NDST3: variants seen among roughly 807,000 people sequenced by gnomAD.
NDST3 encodes bifunctional heparan sulfate N-deacetylase/N-sulfotransferase 3.
NDST3 carries 58 observed loss-of-function variants against 96.1 expected under a neutral mutation model. That is an observed-to-expected ratio of 0.60 (90% confidence interval 0.49 to 0.75). The LOEUF is 0.75. NDST3 is among the 30% of genes least tolerant of loss of function. The pLI, the probability that NDST3 is intolerant of heterozygous loss-of-function variation, is 0.00. For synonymous variants in NDST3, 333 were observed against 359.7 expected, an observed-to-expected ratio of 0.93 and a Z score of 0.84; for missense variants, 788 against 1,034.2, an observed-to-expected ratio of 0.76 and a Z score of 3.27.
chr4:118,177,836 A>G (rs1736367879), intron 6 of NDST3, among the ~76,000 whole-genome samples: 1 of 151,964 alleles, frequency 6.6e-6, no homozygotes, highest in South Asian at 2.1e-4. Context: ...GTTTTCCTGG[A>G]TGATCATGAT....
chr4:118,046,227 C>A (rs940631055), intron 1 of NDST3, among the ~76,000 whole-genome samples: 2 of 152,152 alleles, frequency 1.3e-5, no homozygotes, highest in African/African-American at 4.8e-5. Context: ...TCACCATGTG[C>A]CTATGGGATC....
At chr4:118,160,253 T>C (rs986316557) in intron 6 of NDST3, among the ~76,000 whole-genome samples, 2 of 152,058 alleles carry the variant, frequency 1.3e-5, no homozygotes, top group African/African-American at 4.8e-5. Flanking sequence ...AGAAGGGAGA[T>C]ATATTCAAAA....
intron 5 of NDST3, among the ~76,000 whole-genome samples, chr4:118,143,189 G>T (rs1229913659): frequency 6.6e-6 from 1 of 152,044 alleles, no homozygotes; most frequent in Non-Finnish European, 1.5e-5. Context: ...TAAGATTACA[G>T]TATAGCACAG....
chr4:118,244,600 A>G (rs1310298647), intron 12 of NDST3, among the ~76,000 whole-genome samples: 1 of 152,212 alleles, frequency 6.6e-6, no homozygotes, highest in Non-Finnish European at 1.5e-5. Context: ...AGAATAAATG[A>G]ATGAAGCAAG....
intron 2 of NDST3, among the ~76,000 whole-genome samples, chr4:118,101,980 C>T (rs1020573933): frequency 6.6e-6 from 1 of 151,918 alleles, no homozygotes; most frequent in African/African-American, 2.4e-5. Flanking sequence ...AAATTCAAAA[C>T]TCTGTATTTT....
At position 118,257,963 on chromosome 4, in the gene NDST3, G is replaced by A. The variant is rs140901076; in HGVS notation, c.*2251G>A. 1 of 152,260 alleles carries A rather than the reference G, an allele frequency of 6.6e-6. No homozygotes were observed. The highest frequency in any genetic ancestry group is 2.4e-5 in the African/African-American group (1 of 41,558). The allele number at this position is 152,260 out of a possible 1,614,324, so 9.4% of individuals were successfully genotyped here. A position where few individuals can be genotyped will look rare whatever the true frequency, so the allele number is the denominator to read the frequency against. ...ATAGGCCTCAGCAGTTATATACAGT[G>A]TCATGTTTTCATTTGGCAACAACAT... On this transcript the variant is annotated 3_prime_UTR_variant, in exon 14 of 14. Coordinates refer to ENST00000296499, the MANE Select transcript of NDST3 (RefSeq NM_004784.3).
In NDST3 at chr4:118,257,629, TTG is replaced by T. The variant is rs1160900174; in HGVS notation, c.*1920_*1921del. On this transcript the variant is annotated 3_prime_UTR_variant, in exon 14 of 14. Coordinates refer to ENST00000296499, the MANE Select transcript of NDST3 (RefSeq NM_004784.3). ...TATCAATTACTAATTAGAAAATGAATTGTGAGATCCACTTACTATAAATTTTT... is the reference window on the plus strand; with the variant it reads ...TATCAATTACTAATTAGAAAATGAATTGAGATCCACTTACTATAAATTTTT... 1 of 152,212 alleles carries T rather than the reference TTG, an allele frequency of 6.6e-6. No homozygotes were observed. Among genetic ancestry groups the T allele is most frequent in the Admixed American group, 6.6e-5 (1 of 15,266 alleles). The allele number at this position is 152,212 out of a possible 1,614,324, so 9.4% of individuals were successfully genotyped here. A position where few individuals can be genotyped will look rare whatever the true frequency, so the allele number is the denominator to read the frequency against.
chr4:118,078,106 C>T (rs189980362), intron 2 of NDST3, among the ~76,000 whole-genome samples: 32 of 152,218 alleles, frequency 2.1e-4, no homozygotes, highest in Admixed American at 1.6e-3. Flanking sequence ...CAGGACCCCA[C>T]GGGGCTCTCA....
chr4:118,080,515 C>A (rs774190575), intron 2 of NDST3, among the ~76,000 whole-genome samples: 10 of 152,044 alleles, frequency 6.6e-5, no homozygotes, highest in Non-Finnish European at 1.3e-4. Flanking sequence ...TAAATGAATT[C>A]TTTATTTCAC....
intron 2 of NDST3, among the ~76,000 whole-genome samples, chr4:118,086,679 C>A (rs980882702): frequency 6.6e-6 from 1 of 152,078 alleles, no homozygotes; most frequent in Non-Finnish European, 1.5e-5. Flanking sequence ...GGACATCAGG[C>A]CTTAATCTAC....
At chr4:118,167,098 ATC>A (rs1056062443) in intron 6 of NDST3, among the ~76,000 whole-genome samples, 13 of 151,894 alleles carry the variant, frequency 8.6e-5, no homozygotes, top group African/African-American at 2.9e-4. Context: ...GAGTAAAATT[ATC>A]TCTGTTTGGA....
chr4:118,233,246 T>A, intron 9 of NDST3, 111 bp downstream of exon 9: 1 of 975,992 alleles, frequency 1.0e-6, no homozygotes, highest in Non-Finnish European at 1.4e-6. Flanking sequence ...AAATTTAACC[T>A]CTGTGCCTTG....
rs1294506778 is a variant in NDST3 at position 118,196,054 on chromosome 4, AG to A, written c.1540-28434del. 2.6e-5 allele frequency among the ~76,000 whole-genome samples: 4 copies of A among 152,158 alleles called. No homozygotes were observed. In the South Asian group the frequency reaches 8.3e-4, roughly 32 times the overall value. On this transcript the variant is annotated intron_variant, in intron 6 of 13. Coordinates refer to ENST00000296499, the MANE Select transcript of NDST3 (RefSeq NM_004784.3). ...GCAGTTTTTTGAGGGTTTTTCATGA[AG>A]GGATGTTGAATTGTATCAAATGCTT... is the stretch of plus-strand genomic sequence containing the variant.
In NDST3 at chr4:118,066,486, TACATTA is replaced by T. The variant is rs1269068298; in HGVS notation, c.981+11596_981+11601del. 9.0e-5 allele frequency among the ~76,000 whole-genome samples: 2 copies of T among 22,334 alleles called. 1 individual carries two copies. Among genetic ancestry groups the T allele is most frequent in the African/African-American group, 1.9e-4 (2 of 10,570 alleles). 14.7% of individuals were successfully genotyped at this position (22,334 alleles called of 152,430 possible). A position where few individuals can be genotyped will look rare whatever the true frequency, so the allele number is the denominator to read the frequency against. On this transcript the variant is annotated intron_variant, in intron 2 of 13. Coordinates refer to ENST00000296499, the MANE Select transcript of NDST3 (RefSeq NM_004784.3). ...CATTATATATGTTATATATTATATA[TACATTA>T]TATATGTTATATATTATATATACAT...
chr4:118,241,586 G>A (rs928983610), intron 11 of NDST3, among the ~76,000 whole-genome samples: 2 of 152,260 alleles, frequency 1.3e-5, no homozygotes, highest in Admixed American at 1.3e-4. Flanking sequence ...ATGGATTATC[G>A]AAATATTTCT....
intron 6 of NDST3, chr4:118,193,721 T>TTC: frequency 7.5e-7 from 1 of 1,337,816 alleles, no homozygotes; most frequent in Non-Finnish European, 1.1e-6. Flanking sequence ...GAAGAGGCCC[T>TTC]TCTCGTTGTT....
At chr4:118,110,320 T>C (rs1047034831) in intron 3 of NDST3, among the ~76,000 whole-genome samples, 3 of 152,226 alleles carry the variant, frequency 2.0e-5, no homozygotes, top group Non-Finnish European at 4.4e-5. Flanking sequence ...CAGTGAATGA[T>C]AGTTAAGGGC....
At chr4:118,170,554 C>T (rs1031688510) in intron 6 of NDST3, among the ~76,000 whole-genome samples, 1 of 151,992 alleles carries the variant, frequency 6.6e-6, no homozygotes, top group African/African-American at 2.4e-5. Flanking sequence ...ATGGTGAAAC[C>T]CCATCTCTAC....
At chr4:118,215,387 A>G (rs904675564) in intron 6 of NDST3, among the ~76,000 whole-genome samples, 7 of 152,244 alleles carry the variant, frequency 4.6e-5, no homozygotes, top group South Asian at 2.1e-4. Context: ...CCAAGTATCC[A>G]TATGTAGCTA....
Sources: allele counts gnomAD v4.1 joint callset (sites outside exome capture counted in the v4.1 genomes callset), GRCh38; gene constraint gnomAD v4.1.1; transcripts MANE v1.5; gene names NCBI Gene and HGNC (gene_info 2026-07-23, HGNC 2026-07-21).